MAGI1: variants seen among roughly 807,000 people sequenced by gnomAD.
The protein encoded by MAGI1 is membrane associated guanylate kinase, WW and PDZ domain containing 1, also known as membrane-associated guanylate kinase, WW and PDZ domain-containing protein 1.
A neutral mutation model predicts 139.9 loss-of-function variants in MAGI1; 58 were observed. That is an observed-to-expected ratio of 0.41 (90% confidence interval 0.34 to 0.52). The LOEUF (loss-of-function observed/expected upper bound fraction) is 0.52, where lower values mean the gene tolerates loss of function less well. MAGI1 is among the 20% of genes least tolerant of loss of function. The pLI, the probability that MAGI1 is intolerant of heterozygous loss-of-function variation, is 0.12. For synonymous variants in MAGI1, 812 were observed against 737.9 expected (o/e 1.10, Z -1.63); for missense variants, 1,874 against 1,901.6 (o/e 0.99, Z 0.27).
intron 1 of MAGI1, among the ~76,000 whole-genome samples, chr3:65,839,784 C>G (rs949629788): frequency 6.6e-6 from 1 of 152,136 alleles, no homozygotes; most frequent in Admixed American, 6.5e-5. Context: ...TTTTGCTACA[C>G]AGAAGACCTG....
chr3:65,832,631 T>C (rs1261246174), intron 1 of MAGI1, among the ~76,000 whole-genome samples: 2 of 152,118 alleles, frequency 1.3e-5, no homozygotes, highest in East Asian at 3.9e-4. Context: ...CCATGTGTTT[T>C]GGAGCCATTC....
intron 1 of MAGI1, among the ~76,000 whole-genome samples, chr3:65,732,847 C>T (rs1471446605): frequency 6.6e-6 from 1 of 151,960 alleles, no homozygotes; most frequent in African/African-American, 2.4e-5. Flanking sequence ...GGCAAAAAAA[C>T]TATGACTCTG....
chr3:65,808,793 T>C (rs754860497), intron 1 of MAGI1, among the ~76,000 whole-genome samples: 3 of 152,168 alleles, frequency 2.0e-5, no homozygotes, highest in Admixed American at 6.5e-5. Context: ...AGGACCTACA[T>C]GGGTCTCAGC....
chr3:65,753,968 C>G (rs1318821143), intron 1 of MAGI1, among the ~76,000 whole-genome samples: 8 of 152,128 alleles, frequency 5.3e-5, no homozygotes. Context: ...TAGAGAATGT[C>G]TGACTGAACA....
At chr3:65,865,187 T>C (rs1320890655) in intron 1 of MAGI1, among the ~76,000 whole-genome samples, 1 of 152,142 alleles carries the variant, frequency 6.6e-6, no homozygotes, top group Non-Finnish European at 1.5e-5. Flanking sequence ...CAGCATAAAC[T>C]CACATTCTCT....
chr3:65,963,341 G>C (rs1421504223), intron 1 of MAGI1, among the ~76,000 whole-genome samples: 2 of 130,236 alleles, frequency 1.5e-5, no homozygotes, highest in African/African-American at 3.0e-5. Context: ...AGCTCGGCCA[G>C]GTGTGGTGGC....
intron 1 of MAGI1, among the ~76,000 whole-genome samples, chr3:65,663,091 AT>A (rs1453132378): frequency 2.0e-5 from 3 of 152,170 alleles, no homozygotes; most frequent in African/African-American, 7.2e-5. Context: ...ACGATGTTTT[AT>A]TTCTTGAAAA....
At chr3:65,361,107 G>A (rs1940811571) in intron 22 of MAGI1, 92 bp downstream of exon 22, 1 of 1,611,568 alleles carries the variant, frequency 6.2e-7, no homozygotes, top group Non-Finnish European at 8.5e-7. Flanking sequence ...GGTGAATAGG[G>A]GAAACAAAAA....
intron 4 of MAGI1, among the ~76,000 whole-genome samples, chr3:65,474,216 G>C (rs1482625601): frequency 6.6e-6 from 1 of 152,164 alleles, no homozygotes; most frequent in Non-Finnish European, 1.5e-5. Flanking sequence ...AGTGAGCTGT[G>C]ATTGAGCCAC....
chr3:65,595,530 G>A (rs1045500260), intron 2 of MAGI1, among the ~76,000 whole-genome samples: 1 of 152,170 alleles, frequency 6.6e-6, no homozygotes, highest in Non-Finnish European at 1.5e-5. Context: ...AGTCTCCCCT[G>A]GGGGTGGTTT....
chr3:65,885,721 C>T (rs924185128), intron 1 of MAGI1, among the ~76,000 whole-genome samples: 2 of 152,330 alleles, frequency 1.3e-5, no homozygotes, highest in East Asian at 1.9e-4. Flanking sequence ...GCTCCTCCTT[C>T]ACCTTCCACC....
At chr3:65,600,666 G>A (rs2082439537) in intron 2 of MAGI1, among the ~76,000 whole-genome samples, 1 of 152,176 alleles carries the variant, frequency 6.6e-6, no homozygotes, top group Non-Finnish European at 1.5e-5. Flanking sequence ...GGCAAGCTAT[G>A]GCTGCAGTGC....
chr3:65,691,220 G>A (rs1390879135), intron 1 of MAGI1, among the ~76,000 whole-genome samples: 1 of 151,410 alleles, frequency 6.6e-6, no homozygotes, highest in Non-Finnish European at 1.5e-5. Flanking sequence ...GGAGAATGGT[G>A]TGAACCCGGG....
At chr3:65,497,921 G>A (rs535020679) in intron 2 of MAGI1, among the ~76,000 whole-genome samples, 2 of 152,254 alleles carry the variant, frequency 1.3e-5, no homozygotes, top group South Asian at 4.1e-4. Context: ...CCCACAAAAC[G>A]TTCAGGGTTT....
intron 1 of MAGI1, among the ~76,000 whole-genome samples, chr3:65,651,372 A>G (rs2085569659): frequency 6.6e-6 from 1 of 152,196 alleles, no homozygotes; most frequent in Admixed American, 6.5e-5. Context: ...GAGCTAAGGC[A>G]AAGTAGCCAG....
chr3:65,939,956 C>T (rs572129117), intron 1 of MAGI1, among the ~76,000 whole-genome samples: 17 of 152,184 alleles, frequency 1.1e-4, no homozygotes, highest in Non-Finnish European at 2.1e-4. Flanking sequence ...CATTAAGTGA[C>T]TAAAATGAAA....
intron 1 of MAGI1, among the ~76,000 whole-genome samples, chr3:65,889,751 A>G (rs1374115932): frequency 6.6e-6 from 1 of 152,160 alleles, no homozygotes; most frequent in African/African-American, 2.4e-5. Context: ...ATATTGAGAA[A>G]ATTTACACTC....
At chr3:65,804,293 C>T (rs1417749240) in intron 1 of MAGI1, among the ~76,000 whole-genome samples, 1 of 149,604 alleles carries the variant, frequency 6.7e-6, no homozygotes, top group African/African-American at 2.5e-5. Context: ...AAAAAACACA[C>T]ACAGTGACAT....
At chr3:65,722,340 T>C (rs1171107479) in intron 1 of MAGI1, among the ~76,000 whole-genome samples, 1 of 152,054 alleles carries the variant, frequency 6.6e-6, no homozygotes, top group Non-Finnish European at 1.5e-5. Flanking sequence ...AAAAAATTAC[T>C]TTGGGGACCA....
Sources: gnomAD v4.1 joint callset for allele counts (sites outside exome capture counted in the v4.1 genomes callset) on GRCh38, gnomAD v4.1.1 for gene constraint, MANE v1.5 for transcripts, NCBI Gene and HGNC (gene_info 2026-07-23, HGNC 2026-07-21) for gene names.